The following UBASH3B variants were observed in gnomAD, a reference collection of about 807,000 sequenced individuals.
UBASH3B encodes ubiquitin associated and SH3 domain containing B.
Under a neutral mutation model 83.4 loss-of-function variants are expected in UBASH3B, and 37 were observed. The observed-to-expected ratio is 0.44, with a 90% CI of 0.34 to 0.58. The LOEUF (loss-of-function observed/expected upper bound fraction) is 0.58, where lower values mean the gene tolerates loss of function less well. Among genes scored for constraint, UBASH3B ranks in the 20% least tolerant of loss-of-function variants. The pLI is 0.01. For missense variants in UBASH3B, 657 were observed against 827.2 expected (o/e 0.79, Z 2.52); for synonymous variants, 304 against 318.3 (o/e 0.96, Z 0.48).
intron 1 of UBASH3B, among the ~76,000 whole-genome samples, chr11:122,678,837 T>C (rs1020725624): frequency 2.6e-5 from 4 of 152,188 alleles, no homozygotes; most frequent in African/African-American, 7.2e-5. Flanking sequence ...ATTTAGAAAG[T>C]GTGGGCTCTA....
chr11:122,713,294 C>T (rs939611457), intron 1 of UBASH3B, among the ~76,000 whole-genome samples: 3 of 151,970 alleles, frequency 2.0e-5, no homozygotes, highest in Non-Finnish European at 4.4e-5. Flanking sequence ...CTGTAGATCC[C>T]AAGAATAGCC....
chr11:122,783,282 G>A (rs760383846), intron 5 of UBASH3B, 60 bp downstream of exon 5: 12 of 1,571,622 alleles, frequency 7.6e-6, no homozygotes, highest in Non-Finnish European at 1.0e-5. Flanking sequence ...AGAATCAGCA[G>A]CTCGCTGCTG....
intron 1 of UBASH3B, among the ~76,000 whole-genome samples, chr11:122,713,286 G>C (rs1188852299): frequency 6.6e-6 from 1 of 152,116 alleles, no homozygotes. Context: ...GAGGTGCACT[G>C]TAGATCCCAA....
intron 1 of UBASH3B, among the ~76,000 whole-genome samples, chr11:122,725,905 G>A (rs1591788094): frequency 6.6e-6 from 1 of 152,068 alleles, no homozygotes; most frequent in East Asian, 1.9e-4. Flanking sequence ...TGTTGGCGAG[G>A]CTGGTCTCAA....
At chr11:122,777,560 A>C (rs1432748224) in intron 3 of UBASH3B, among the ~76,000 whole-genome samples, 8 of 152,196 alleles carry the variant, frequency 5.3e-5, no homozygotes, top group Non-Finnish European at 5.9e-5. Flanking sequence ...AAGAGGAGGA[A>C]CTAAGAGCAG....
intron 1 of UBASH3B, among the ~76,000 whole-genome samples, chr11:122,734,645 C>T (rs1297354264): frequency 6.6e-6 from 1 of 152,262 alleles, no homozygotes; most frequent in East Asian, 1.9e-4. Context: ...AATAAGTCCT[C>T]ATCACTGGAT....
intron 1 of UBASH3B, among the ~76,000 whole-genome samples, chr11:122,744,291 G>A (rs552825395): frequency 1.3e-5 from 2 of 152,296 alleles, no homozygotes; most frequent in Admixed American, 6.5e-5. Context: ...ACATAAATGT[G>A]TATGTGCAAA....
chr11:122,690,924 C>T (rs1453881148), intron 1 of UBASH3B, among the ~76,000 whole-genome samples: 4 of 152,096 alleles, frequency 2.6e-5, no homozygotes, highest in Non-Finnish European at 5.9e-5. Context: ...TCACTGGGCC[C>T]GATCTTCTCA....
chr11:122,785,473 GGAAAACTCC>G (rs1860931045), intron 5 of UBASH3B, among the ~76,000 whole-genome samples: 1 of 152,194 alleles, frequency 6.6e-6, no homozygotes, highest in Non-Finnish European at 1.5e-5. Flanking sequence ...GTGATGCTTA[GGAAAACTCC>G]AAGGCCTCAT....
chr11:122,752,740 A>G (rs1341360010), intron 1 of UBASH3B, among the ~76,000 whole-genome samples: 1 of 152,184 alleles, frequency 6.6e-6, no homozygotes, highest in Non-Finnish European at 1.5e-5. Flanking sequence ...TGAAAGAGGC[A>G]GCTAAAATAT....
intron 5 of UBASH3B, 21 bp downstream of exon 5, chr11:122,783,243 C>T (rs1259397603): frequency 6.2e-7 from 1 of 1,608,536 alleles, no homozygotes; most frequent in Non-Finnish European, 8.5e-7. Context: ...ACTGTGGTTC[C>T]AGAAGCTACC....
intron 1 of UBASH3B, among the ~76,000 whole-genome samples, chr11:122,662,240 A>G (rs1471951021): frequency 6.6e-6 from 1 of 151,718 alleles, no homozygotes; most frequent in African/African-American, 2.4e-5. Flanking sequence ...AACTTTTTTG[A>G]GTTATAACTC....
In UBASH3B at chr11:122,661,915, T is replaced by C. The variant is rs552315967; in HGVS notation, c.161+5705T>C. 2.5e-4 allele frequency among the ~76,000 whole-genome samples: 38 copies of C among 150,998 alleles called. 1 individual carries two copies. In the South Asian group the frequency reaches 7.7e-3, roughly 31 times the overall value. ...TTGATATGCTTTTTTTCTTTTTTTT[T>C]TTTTTTTTGAGACAGAGTTTCGTTC... On this transcript the variant is annotated intron_variant, in intron 1 of 13. Transcript: ENST00000284273.
chr11:122,657,952 G>C (rs917124208), intron 1 of UBASH3B, among the ~76,000 whole-genome samples: 3 of 151,934 alleles, frequency 2.0e-5, no homozygotes, highest in African/African-American at 4.8e-5. Flanking sequence ...GAGGCAGCCG[G>C]ATCACTTGAG....
chr11:122,763,795 A>T (rs1230873113), intron 1 of UBASH3B, among the ~76,000 whole-genome samples: 1 of 152,178 alleles, frequency 6.6e-6, no homozygotes, highest in Non-Finnish European at 1.5e-5. Flanking sequence ...CATTTCCTCT[A>T]AAGGAAATGT....
intron 12 of UBASH3B, among the ~76,000 whole-genome samples, chr11:122,807,604 G>T (rs965704750): frequency 6.6e-6 from 1 of 152,060 alleles, no homozygotes; most frequent in South Asian, 2.1e-4. Context: ...AGGCTGGAGC[G>T]CAGTGATGCA....
At chr11:122,749,155 G>A (rs1482790229) in intron 1 of UBASH3B, among the ~76,000 whole-genome samples, 1 of 152,204 alleles carries the variant, frequency 6.6e-6, no homozygotes, top group African/African-American at 2.4e-5. Flanking sequence ...ATCCCTTGTG[G>A]CTTTGGCTGT....
chr11:122,769,058 T>C (rs1159982643), intron 1 of UBASH3B, among the ~76,000 whole-genome samples: 1 of 152,208 alleles, frequency 6.6e-6, no homozygotes, highest in African/African-American at 2.4e-5. Context: ...AAGGAATACC[T>C]GAGGCTGGGT....
intron 1 of UBASH3B, among the ~76,000 whole-genome samples, chr11:122,734,654 A>G (rs1053704160): frequency 6.6e-6 from 1 of 152,112 alleles, no homozygotes. Context: ...TCATCACTGG[A>G]TGAGTATTTT....
Sources: gnomAD v4.1 joint callset for allele counts (sites outside exome capture counted in the v4.1 genomes callset) on GRCh38, gnomAD v4.1.1 for gene constraint, MANE v1.5 for transcripts, NCBI Gene and HGNC (gene_info 2026-07-23, HGNC 2026-07-21) for gene names.